Variants in GLCCI1 observed in about 807,000 individuals in gnomAD.
GLCCI1 encodes glucocorticoid induced 1, also known as glucocorticoid-induced transcript 1 protein.
A neutral mutation model predicts 52.2 loss-of-function variants in GLCCI1; 24 were observed. The observed-to-expected ratio is 0.46, with a 90% CI of 0.33 to 0.65. GLCCI1 has a LOEUF of 0.65. GLCCI1 is among the 30% of genes least tolerant of loss of function. The probability of loss-of-function intolerance (pLI) is 0.02; values close to 1 mark genes in which losing one functional copy is unlikely to be tolerated. For missense variants in GLCCI1, 704 were observed against 701.5 expected, an observed-to-expected ratio of 1.00 and a Z score of -0.04; for synonymous variants, 310 against 276.5, an observed-to-expected ratio of 1.12 and a Z score of -1.20.
intron 1 of GLCCI1, 96 bp from the exon 2 acceptor site, chr7:8,003,812 A>C: frequency 2.7e-6 from 3 of 1,114,028 alleles, no homozygotes; most frequent in Non-Finnish European, 3.8e-6. Flanking sequence ...ATCACAGGAA[A>C]AATTGACAGG....
chr7:7,972,346 C>T (rs1780371175), intron 1 of GLCCI1, among the ~76,000 whole-genome samples: 2 of 151,118 alleles, frequency 1.3e-5, no homozygotes, highest in African/African-American at 2.4e-5. Flanking sequence ...TGTGTGTGCG[C>T]GCAAGAGGGT....
rs200788682 is a variant in GLCCI1 at position 8,070,977 on chromosome 7, T to C, written c.1023T>C (p.Ser341=). 607 of 1,614,130 alleles carry C rather than the reference T, an allele frequency of 3.8e-4. No individual in the cohort carries two copies. Among genetic ancestry groups the C allele is most frequent in the Non-Finnish European group, 4.5e-4 (532 of 1,180,010 alleles). The change falls in exon 6 of 8, where the codon AGT becomes AGC. Residue 341 remains serine, a synonymous_variant. Transcript: ENST00000223145. ...RAPLPAHYRS[S]STRSIDTQTP... ...CACTTCCTGCTCATTACCGGAGCAG[T>C]AGTACTCGCAGCATTGACACTCAGA...
chr7:7,980,572 C>G, intron 1 of GLCCI1: 1 of 602,172 alleles, frequency 1.7e-6, no homozygotes, highest in Admixed American at 2.5e-5. Context: ...AGGGACTGGT[C>G]ATGGAGGAGA....
In GLCCI1 at chr7:8,000,252, T is replaced by C. The variant is rs1781026149; in HGVS notation, c.458-3656T>C. Reference sequence around the variant, plus strand: ...CTATAAATCAGATAATGGGAGATGTTAATTTTCTGTTTCCCAGTGTTGCTA... The same window carrying C: ...CTATAAATCAGATAATGGGAGATGTCAATTTTCTGTTTCCCAGTGTTGCTA... On this transcript the variant is annotated intron_variant, in intron 1 of 7. Coordinates refer to ENST00000223145, the MANE Select transcript of GLCCI1 (RefSeq NM_138426.4). 2.0e-5 allele frequency among the ~76,000 whole-genome samples: 3 copies of C among 152,230 alleles called. No homozygotes were observed. In the South Asian group the frequency reaches 6.2e-4, roughly 31 times the overall value.
intron 3 of GLCCI1, among the ~76,000 whole-genome samples, chr7:8,023,921 A>C (rs1362034780): frequency 6.6e-6 from 1 of 151,662 alleles, no homozygotes; most frequent in African/African-American, 2.4e-5. Flanking sequence ...AGTGATGGAA[A>C]CTCACTACTT....
intron 3 of GLCCI1, among the ~76,000 whole-genome samples, chr7:8,028,993 T>C (rs769309503): frequency 2.0e-5 from 3 of 152,124 alleles, no homozygotes; most frequent in Non-Finnish European, 4.4e-5. Context: ...TGGGACCCAA[T>C]GGCTTCACCG....
At chr7:8,064,236 G>A (rs1261014009) in intron 5 of GLCCI1, among the ~76,000 whole-genome samples, 1 of 152,130 alleles carries the variant, frequency 6.6e-6, no homozygotes. Context: ...ATAGTTTCAG[G>A]TTTTATATTT....
chr7:8,023,437 T>C (rs1436057051), intron 3 of GLCCI1, among the ~76,000 whole-genome samples: 1 of 152,050 alleles, frequency 6.6e-6, no homozygotes, highest in East Asian at 1.9e-4. Flanking sequence ...TCTTTATGTA[T>C]ATTTTGGATT....
At chr7:8,055,951 C>T (rs1355686100) in intron 4 of GLCCI1, among the ~76,000 whole-genome samples, 4 of 150,668 alleles carry the variant, frequency 2.7e-5, no homozygotes, top group Non-Finnish European at 2.9e-5. Context: ...CAAGATCGCG[C>T]CGCTGCACTT....
chr7:8,013,991 C>CTTTTTTT (rs561039125), intron 2 of GLCCI1, among the ~76,000 whole-genome samples: 1 of 133,292 alleles, frequency 7.5e-6, no homozygotes, highest in Non-Finnish European at 1.6e-5. Context: ...AAGGCCTTGA[C>CTTTTTTT]TTTTTTTTTT....
intron 1 of GLCCI1, among the ~76,000 whole-genome samples, chr7:7,975,323 T>A (rs776400135): frequency 3.3e-5 from 5 of 152,234 alleles, no homozygotes; most frequent in Non-Finnish European, 5.9e-5. Flanking sequence ...CAAGTGAATG[T>A]TACTAAGGCA....
chr7:8,083,643 G>A (rs1783042166), intron 6 of GLCCI1, among the ~76,000 whole-genome samples: 1 of 141,528 alleles, frequency 7.1e-6, no homozygotes, highest in Admixed American at 7.5e-5. Flanking sequence ...TGCCTACTCT[G>A]TAGGATCATA....
intron 1 of GLCCI1, among the ~76,000 whole-genome samples, chr7:7,996,904 C>T (rs1173710077): frequency 6.6e-6 from 1 of 152,188 alleles, no homozygotes; most frequent in Non-Finnish European, 1.5e-5. Context: ...TTCAGTTTTG[C>T]TCTTTGGTTT....
chr7:8,061,769 T>C (rs1328232291), intron 5 of GLCCI1, among the ~76,000 whole-genome samples: 1 of 145,284 alleles, frequency 6.9e-6, no homozygotes, highest in Non-Finnish European at 1.5e-5. Context: ...CAGGTTCAAG[T>C]GGTTCTCCCG....
Position 8,086,980 on chromosome 7 carries a change from C to CA in GLCCI1, c.*461dup, listed in dbSNP as rs58639900. ...TCTAACTTCTGTAATACATACAATG[C>CA]AAAAAAAAAAAAAAAAAAATGGCCA... is the stretch of plus-strand genomic sequence containing the variant. On this transcript the variant is annotated 3_prime_UTR_variant, in exon 8 of 8. Transcript: ENST00000223145. The surrounding 1 kb of genome is among the most constrained non-coding windows in gnomAD (Gnocchi z 4.4). 7,948 of 118,634 alleles carry CA rather than the reference C, an allele frequency of 0.067. 319 individuals are homozygous for CA. Among genetic ancestry groups the CA allele is most frequent in the East Asian group, 0.23 (921 of 4,036 alleles). 7.3% of individuals were successfully genotyped at this position (118,634 alleles called of 1,614,324 possible).
intron 3 of GLCCI1, among the ~76,000 whole-genome samples, chr7:8,041,910 C>T (rs1207871683): frequency 6.6e-6 from 1 of 152,098 alleles, no homozygotes; most frequent in African/African-American, 2.4e-5. Context: ...TGATTTAAGC[C>T]AGTGCTCATT....
At chr7:8,017,635 C>G (rs1413911653) in intron 2 of GLCCI1, among the ~76,000 whole-genome samples, 2 of 151,912 alleles carry the variant, frequency 1.3e-5, no homozygotes, top group Non-Finnish European at 2.9e-5. Context: ...AGAGTTGGAG[C>G]TTGATAAAAA....
At chr7:8,028,389 A>C (rs1781667255) in intron 3 of GLCCI1, among the ~76,000 whole-genome samples, 1 of 152,222 alleles carries the variant, frequency 6.6e-6, no homozygotes, top group East Asian at 1.9e-4. Flanking sequence ...ATGAAGAAGG[A>C]AATTGAAAAA....
intron 1 of GLCCI1, chr7:7,981,872 C>T (rs778601055): frequency 2.4e-5 from 11 of 456,006 alleles, no homozygotes; most frequent in Non-Finnish European, 3.6e-5. Context: ...AGGCAGAAGA[C>T]TCCAAGTCAA....
Sources: gnomAD v4.1 joint callset for allele counts (sites outside exome capture counted in the v4.1 genomes callset) on GRCh38, gnomAD v4.1.1 for gene constraint, Gnocchi (gnomAD v3.1) non-coding constraint, MANE v1.5 for transcripts, NCBI Gene and HGNC (gene_info 2026-07-23, HGNC 2026-07-21) for gene names.